Variants in FOXP2 observed in about 807,000 individuals in gnomAD.
The protein encoded by FOXP2 is forkhead box P2.
Under a neutral mutation model 115.8 loss-of-function variants are expected in FOXP2, and 12 were observed. The observed-to-expected ratio is 0.10, with a 90% CI of 0.07 to 0.17. The LOEUF is 0.17. Among genes scored for constraint, FOXP2 ranks in the 10% least tolerant of loss-of-function variants. The probability of loss-of-function intolerance (pLI) is 1.00; values close to 1 mark genes in which losing one functional copy is unlikely to be tolerated. For missense variants in FOXP2, 629 were observed against 843.5 expected, an observed-to-expected ratio of 0.75 and a Z score of 3.15; for synonymous variants, 328 against 297.7, an observed-to-expected ratio of 1.10 and a Z score of -1.05.
intron 1 of FOXP2, among the ~76,000 whole-genome samples, chr7:114,141,629 A>G (rs1469843975): frequency 6.6e-6 from 1 of 152,134 alleles, no homozygotes; most frequent in Non-Finnish European, 1.5e-5. Flanking sequence ...GCCTTTAGTC[A>G]ATTGTCACTG....
intron 3 of FOXP2, among the ~76,000 whole-genome samples, chr7:114,582,914 A>G (rs1313859998): frequency 1.3e-5 from 2 of 152,200 alleles, no homozygotes; most frequent in Non-Finnish European, 2.9e-5. Flanking sequence ...TGCCTTTAGT[A>G]CTGTGGATAT....
At chr7:114,408,781 T>TAA (rs1793097840) in intron 2 of FOXP2, among the ~76,000 whole-genome samples, 1 of 152,028 alleles carries the variant, frequency 6.6e-6, no homozygotes, top group African/African-American at 2.4e-5. Context: ...AATGTGTGCC[T>TAA]TATCTTTTCA....
At chr7:114,569,161 T>G (rs1801168814) in intron 3 of FOXP2, among the ~76,000 whole-genome samples, 1 of 151,936 alleles carries the variant, frequency 6.6e-6, no homozygotes, top group African/African-American at 2.4e-5. Context: ...AGCATTTCAT[T>G]TTTTAAGGAT....
At chr7:114,122,225 C>T (rs1791585063) in intron 1 of FOXP2, among the ~76,000 whole-genome samples, 1 of 151,968 alleles carries the variant, frequency 6.6e-6, no homozygotes, top group African/African-American at 2.4e-5. Context: ...AAACTACCTC[C>T]CATGAATGCT....
chr7:114,521,215 T>C (rs1798606659), intron 2 of FOXP2, among the ~76,000 whole-genome samples: 1 of 152,184 alleles, frequency 6.6e-6, no homozygotes, highest in African/African-American at 2.4e-5. Flanking sequence ...AGAATTCTAA[T>C]TTCATGGATA....
intron 10 of FOXP2, among the ~76,000 whole-genome samples, chr7:114,655,321 G>A (rs1245142760): frequency 1.3e-5 from 2 of 152,004 alleles, no homozygotes; most frequent in Non-Finnish European, 2.9e-5. Context: ...AACTCCAGCA[G>A]CATGGTTACA....
intron 3 of FOXP2, among the ~76,000 whole-genome samples, chr7:114,587,959 CTCAT>C (rs1802229082): frequency 4.1e-5 from 6 of 145,792 alleles, no homozygotes; most frequent in Admixed American, 2.8e-4. Flanking sequence ...TTATTTTAAG[CTCAT>C]TCAGTTTTCT....
chr7:114,446,744 T>C lies in FOXP2; in HGVS notation c.168+20065T>C, dbSNP rs550451162. ...TTTTTGGTTTATCTCTATTTCTTTC[T>C]TTCTTTTTTTTTTTTTTTGAGACAG... On this transcript the variant is annotated intron_variant, in intron 2 of 16. Transcript: ENST00000350908. Among the ~76,000 whole-genome samples, 6 of 149,200 alleles carry C rather than the reference T, an allele frequency of 4.0e-5. No individual in the cohort carries two copies. In the South Asian group the frequency reaches 6.3e-4, roughly 16 times the overall value.
intron 1 of FOXP2, chr7:114,419,713 GACACACACACACAC>G (rs35955915): frequency 2.1e-5 from 3 of 141,612 alleles, no homozygotes; most frequent in South Asian, 2.3e-4. Flanking sequence ...CATACACATA[GACACACACACACAC>G]ACACACACAC....
chr7:114,325,174 A>C (rs1336798067), intron 2 of FOXP2, among the ~76,000 whole-genome samples: 1 of 151,898 alleles, frequency 6.6e-6, no homozygotes. Flanking sequence ...ACTTAATATG[A>C]TGTTATTTTA....
At chr7:114,511,656 G>T (rs1798085461) in intron 2 of FOXP2, among the ~76,000 whole-genome samples, 1 of 151,948 alleles carries the variant, frequency 6.6e-6, no homozygotes, top group East Asian at 1.9e-4. Context: ...ATACAAATTT[G>T]TTCTTATTAA....
At chr7:114,597,026 CAAAA>C (rs897555992) in intron 3 of FOXP2, among the ~76,000 whole-genome samples, 4 of 151,802 alleles carry the variant, frequency 2.6e-5, no homozygotes, top group African/African-American at 7.3e-5. Context: ...TATTATAATT[CAAAA>C]AAACTTTCTT....
chr7:114,650,624 T>G (rs1806196075), intron 8 of FOXP2, among the ~76,000 whole-genome samples: 2 of 152,040 alleles, frequency 1.3e-5, no homozygotes, highest in Admixed American at 1.3e-4. Context: ...TCTGGCTTAC[T>G]CTCACATTCC....
chr7:114,266,612 C>A (rs1320279702), intron 1 of FOXP2, among the ~76,000 whole-genome samples: 1 of 152,148 alleles, frequency 6.6e-6, no homozygotes, highest in Non-Finnish European at 1.5e-5. Context: ...GGAATCCATC[C>A]TTATGCCCCC....
chr7:114,659,335 A>C, intron 11 of FOXP2, 21 bp from the exon 12 acceptor site: 1 of 1,483,474 alleles, frequency 6.7e-7, no homozygotes, highest in Non-Finnish European at 9.4e-7. Context: ...CAGAATTAAC[A>C]CCTAGTTTTT....
chr7:114,181,551 A>G (rs373911597), intron 1 of FOXP2, among the ~76,000 whole-genome samples: 55 of 152,090 alleles, frequency 3.6e-4, no homozygotes, highest in African/African-American at 1.3e-3. Flanking sequence ...TGTTGATGAT[A>G]GTTTCCTTTA....
At chr7:114,290,360 G>A (rs1796562838) in intron 2 of FOXP2, among the ~76,000 whole-genome samples, 1 of 152,008 alleles carries the variant, frequency 6.6e-6, no homozygotes. Context: ...AGTTAGGCAT[G>A]TGGGTGGATG....
At chr7:114,539,869 T>C (rs892413353) in intron 3 of FOXP2, among the ~76,000 whole-genome samples, 1 of 152,032 alleles carries the variant, frequency 6.6e-6, no homozygotes, top group African/African-American at 2.4e-5. Context: ...GTGTTTCAGA[T>C]CTGAAGCCTG....
chr7:114,548,332 G>A (rs533661347), intron 3 of FOXP2, among the ~76,000 whole-genome samples: 132 of 152,314 alleles, frequency 8.7e-4, no homozygotes, highest in Middle Eastern at 6.8e-3. Context: ...CTGAGTCTAT[G>A]AAGCTGATCA....
Sources: gnomAD v4.1 joint callset for allele counts (sites outside exome capture counted in the v4.1 genomes callset) on GRCh38, gnomAD v4.1.1 for gene constraint, MANE v1.5 for transcripts, NCBI Gene and HGNC (gene_info 2026-07-23, HGNC 2026-07-21) for gene names.